The following WSCD2 variants were observed in gnomAD, a reference collection of about 807,000 sequenced individuals.
WSCD2 encodes the protein WSC domain sialate O sulfotransferase 2.
WSCD2 carries 28 observed loss-of-function variants against 55.7 expected under a neutral mutation model. The ratio of observed to expected loss-of-function variants is 0.50; its 90% CI spans 0.37 to 0.69. The LOEUF is 0.69. Ranked by LOEUF, WSCD2 falls within the 30% of genes least tolerant of loss-of-function variation. WSCD2 has a pLI of 0.00. For missense variants in WSCD2, 616 were observed against 762.1 expected (o/e 0.81, Z 2.26); for synonymous variants, 301 against 301.9 (o/e 1.00, Z 0.03).
At chr12:108,221,025 C>T (rs983980211) in intron 4 of WSCD2, among the ~76,000 whole-genome samples, 1 of 152,174 alleles carries the variant, frequency 6.6e-6, no homozygotes, top group East Asian at 1.9e-4. Context: ...GTACTCATAG[C>T]ATCTATCGCC....
chr12:108,239,456 G>A (rs1023305742), intron 7 of WSCD2, among the ~76,000 whole-genome samples: 25 of 152,094 alleles, frequency 1.6e-4, no homozygotes, highest in Non-Finnish European at 3.2e-4. Context: ...TCATCATCTG[G>A]GACCAATCCC....
intron 2 of WSCD2, 37 bp downstream of exon 2, chr12:108,196,251 G>A (rs760965189): frequency 6.4e-7 from 1 of 1,555,788 alleles, no homozygotes. Flanking sequence ...GAGGGGCTGG[G>A]GAGAAGGGAG....
intron 7 of WSCD2, among the ~76,000 whole-genome samples, chr12:108,235,018 ACT>A (rs1889141776): frequency 6.6e-6 from 1 of 152,186 alleles, no homozygotes; most frequent in African/African-American, 2.4e-5. Context: ...ATCTGATCTA[ACT>A]CAACCTCCTA....
At chr12:108,244,626 G>T (rs1889962797) in intron 8 of WSCD2, 2 of 701,422 alleles carry the variant, frequency 2.9e-6, no homozygotes. Context: ...GTGCACTGAG[G>T]CTGAAGATCG....
chr12:108,179,428 T>A (rs1881368161), intron 1 of WSCD2, among the ~76,000 whole-genome samples: 1 of 152,196 alleles, frequency 6.6e-6, no homozygotes. Flanking sequence ...AGATTCCATA[T>A]GGGACATAAA....
intron 1 of WSCD2, among the ~76,000 whole-genome samples, chr12:108,149,360 A>G (rs141906983): frequency 2.3e-3 from 358 of 152,356 alleles, no homozygotes; most frequent in African/African-American, 8.3e-3. Flanking sequence ...GCCAATCACA[A>G]CACTGGCTTT....
rs752883572 is a variant in WSCD2, at chr12:108,227,020, G to A, written c.835G>A (p.Ala279Thr). 21 of 1,613,706 alleles carry A rather than the reference G, an allele frequency of 1.3e-5. No individual in the cohort carries two copies. The African/African-American group carries it at 1.7e-4, about 13-fold the overall frequency. The change falls in exon 6 of 9, where the codon GCC (alanine) becomes ACC (threonine). Residue 279 changes from alanine to threonine, a missense_variant. By Grantham distance (58) the Ala-to-Thr change is moderately conservative. Around this residue, in one of 3 missense-constraint regions of WSCD2, gnomAD observed 374 missense variants for 467.4 expected, o/e 0.80. Coordinates refer to ENST00000547525, the MANE Select transcript of WSCD2 (RefSeq NM_014653.4). ...EYPLAALAGT[A>T]CHCGFPTTRF... ...CCCGCTGGCAGCTCTTGCAGGCACC[G>A]CCTGCCACTGTGGGTTTCCCACCAC...
chr12:108,227,126 C>T lies in WSCD2; in HGVS notation c.941C>T (p.Thr314Ile), dbSNP rs757501043. ...GCGGAGGAGTTTGAGAGCTGCGGGA[C>T]TCCTAGTTACTTCATTGTGTACCAG... is the stretch of plus-strand genomic sequence containing the variant. ...CSAEEFESCGTPSYFIVYQTQ... is the reference protein window; with the variant it reads ...CSAEEFESCGIPSYFIVYQTQ... Residue 314 changes from threonine (T) to isoleucine (I), a missense_variant, in exon 6 of 9, where the codon ACT becomes ATT. Around this residue, in one of 3 missense-constraint regions of WSCD2, gnomAD observed 374 missense variants for 467.4 expected, o/e 0.80. Coordinates refer to ENST00000547525, the MANE Select transcript of WSCD2 (RefSeq NM_014653.4). 2 of 1,614,138 alleles carry T rather than the reference C, an allele frequency of 1.2e-6. No homozygotes were observed. The highest frequency in any genetic ancestry group is 1.7e-6 in the Non-Finnish European group (2 of 1,179,998).
intron 1 of WSCD2, among the ~76,000 whole-genome samples, chr12:108,180,540 G>T (rs561859813): frequency 1.3e-4 from 20 of 152,340 alleles, no homozygotes; most frequent in African/African-American, 4.8e-4. Flanking sequence ...TTTGAATGTC[G>T]GGGGAGGGAG....
chr12:108,147,920 G>A (rs576404148), intron 1 of WSCD2, among the ~76,000 whole-genome samples: 7 of 151,528 alleles, frequency 4.6e-5, no homozygotes, highest in Admixed American at 1.3e-4. Flanking sequence ...CCCTACATAA[G>A]ATCTTTGGTA....
At chr12:108,182,069 T>A (rs1451482063) in intron 1 of WSCD2, among the ~76,000 whole-genome samples, 1 of 152,180 alleles carries the variant, frequency 6.6e-6, no homozygotes, top group African/African-American at 2.4e-5. Flanking sequence ...TCATGCTCTA[T>A]CTCTTTCTTT....
intron 1 of WSCD2, among the ~76,000 whole-genome samples, chr12:108,134,832 A>G (rs1876006179): frequency 6.6e-6 from 1 of 152,196 alleles, no homozygotes; most frequent in South Asian, 2.1e-4. Context: ...GGAGCTTTGT[A>G]TTCATCTAGT....
At chr12:108,204,540 T>C (rs909507774) in intron 2 of WSCD2, among the ~76,000 whole-genome samples, 1 of 152,210 alleles carries the variant, frequency 6.6e-6, no homozygotes, top group Non-Finnish European at 1.5e-5. Context: ...TGAACAGCAT[T>C]CGTGCCCCAA....
intron 1 of WSCD2, among the ~76,000 whole-genome samples, chr12:108,193,967 C>A (rs1001529534): frequency 6.6e-6 from 1 of 152,190 alleles, no homozygotes; most frequent in Non-Finnish European, 1.5e-5. Context: ...GAGTATGTTA[C>A]AATTTGTATC....
At chr12:108,237,662 T>TC (rs1889376142) in intron 7 of WSCD2, among the ~76,000 whole-genome samples, 1 of 152,218 alleles carries the variant, frequency 6.6e-6, no homozygotes, top group Non-Finnish European at 1.5e-5. Flanking sequence ...ATAGTACTCT[T>TC]CCCTCTCTGG....
chr12:108,164,477 C>A (rs965963294), intron 1 of WSCD2, among the ~76,000 whole-genome samples: 1 of 151,928 alleles, frequency 6.6e-6, no homozygotes, highest in Admixed American at 6.6e-5. Context: ...TCACATATAT[C>A]AGCGGTTTCT....
intron 2 of WSCD2, among the ~76,000 whole-genome samples, chr12:108,204,451 C>T (rs1885077910): frequency 1.3e-5 from 2 of 152,094 alleles, no homozygotes; most frequent in African/African-American, 2.4e-5. Context: ...ACACTCAGTC[C>T]TCTAGGGAAT....
At chr12:108,171,711 G>GAGT (rs1441422037) in intron 1 of WSCD2, 1 of 152,064 alleles carries the variant, frequency 6.6e-6, no homozygotes, top group African/African-American at 2.4e-5. Flanking sequence ...GCTGGATTAA[G>GAGT]AGTTTCCATC....
In WSCD2 at chr12:108,176,082, G is replaced by A. The variant is rs530974352; in HGVS notation, c.-551-19200G>A. 4.0e-5 allele frequency among the ~76,000 whole-genome samples: 6 copies of A among 151,896 alleles called. No individual in the cohort carries two copies. The East Asian group carries it at 9.7e-4, about 25-fold the overall frequency. ...TCTCGATCTCCTGACCTCATGATCCGCCCACCTCAGCCTCCCAAAGTGCTG... is the reference window on the plus strand; with the variant it reads ...TCTCGATCTCCTGACCTCATGATCCACCCACCTCAGCCTCCCAAAGTGCTG... On this transcript the variant is annotated intron_variant, in intron 1 of 8. Coordinates refer to ENST00000547525, the MANE Select transcript of WSCD2 (RefSeq NM_014653.4).
Sources: allele counts gnomAD v4.1 joint callset (sites outside exome capture counted in the v4.1 genomes callset), GRCh38; gene constraint gnomAD v4.1.1; regional missense constraint gnomAD v4.1.1; transcripts MANE v1.5; gene names NCBI Gene and HGNC (gene_info 2026-07-23, HGNC 2026-07-21).